SERBP1: variants seen among roughly 807,000 people sequenced by gnomAD.
SERBP1 encodes the protein SERPINE1 mRNA binding protein 1.
SERBP1 carries 6 observed loss-of-function variants against 50.2 expected under a neutral mutation model. The ratio of observed to expected loss-of-function variants is 0.12; its 90% CI spans 0.07 to 0.24. The LOEUF is 0.24. Ranked by LOEUF, SERBP1 falls within the 10% of genes least tolerant of loss-of-function variation. The pLI, the probability that SERBP1 is intolerant of heterozygous loss-of-function variation, is 1.00. For missense variants in SERBP1, 346 were observed against 524.9 expected (o/e 0.66, Z 3.33); for synonymous variants, 168 against 182.8 (o/e 0.92, Z 0.65).
rs1198158601 is a variant in SERBP1, at chr1:67,410,106, A to G, written c.*3101T>C. ...ACCATTGGACTGGAGGTCCACTAATATACCTGAATAATCTTACCTCTAAGG... is the reference window on the plus strand; with the variant it reads ...ACCATTGGACTGGAGGTCCACTAATGTACCTGAATAATCTTACCTCTAAGG... On this transcript the variant is annotated 3_prime_UTR_variant, in exon 8 of 8. Coordinates refer to ENST00000361219, the MANE Select transcript of SERBP1 (RefSeq NM_001018069.2). 1 of 152,212 alleles carries G rather than the reference A, an allele frequency of 6.6e-6. No individual in the cohort carries two copies. The highest frequency in any genetic ancestry group is 1.5e-5 in the Non-Finnish European group (1 of 68,028). The allele number at this position is 152,212 out of a possible 1,614,324, so 9.4% of individuals were successfully genotyped here.
intron 1 of SERBP1, among the ~76,000 whole-genome samples, chr1:67,427,455 C>G (rs1367503994): frequency 1.3e-5 from 2 of 152,168 alleles, no homozygotes; most frequent in Non-Finnish European, 2.9e-5. Flanking sequence ...TTGGTTCTTT[C>G]TAAGAAAGTA....
Position 67,409,656 on chromosome 1 carries a change from TTCAA to T in SERBP1, c.*3547_*3550del, listed in dbSNP as rs1666765140. ...GACTTCCTCAGCCTGAAAGATTTAT[TTCAA>T]TCACTTCACATAACCTCCAAATTTG... On this transcript the variant is annotated 3_prime_UTR_variant, in exon 8 of 8. Coordinates refer to ENST00000361219, the MANE Select transcript of SERBP1 (RefSeq NM_001018069.2). The T allele has an allele frequency of 6.6e-6, 1 of 152,158 alleles. No homozygotes were observed. The highest frequency in any genetic ancestry group is 1.5e-5 in the Non-Finnish European group (1 of 68,030). The allele number at this position is 152,158 out of a possible 1,614,324, so 9.4% of individuals were successfully genotyped here.
At chr1:67,422,410 T>G (rs1057367825) in intron 5 of SERBP1, among the ~76,000 whole-genome samples, 8 of 150,198 alleles carry the variant, frequency 5.3e-5, no homozygotes, top group African/African-American at 2.0e-4. Context: ...ACTCAGGAGC[T>G]GAGGCAGGAG....
intron 7 of SERBP1, among the ~76,000 whole-genome samples, chr1:67,413,747 C>A (rs1666917153): frequency 1.3e-5 from 2 of 152,100 alleles, no homozygotes; most frequent in Admixed American, 1.3e-4. Context: ...TTGCAATGAG[C>A]CCTGTCCTAA....
At chr1:67,425,008 TAGTTCTAGAAATTCAA>T in intron 3 of SERBP1, 31 bp from the exon 4 acceptor site, 1 of 1,605,096 alleles carries the variant, frequency 6.2e-7, no homozygotes, top group Non-Finnish European at 8.5e-7. Context: ...TAATACTCTT[TAGTTCTAGAAATTCAA>T]AGTTTGTTTA....
rs1449036413 is a variant in SERBP1, at chr1:67,408,809, T to G, written c.*4398A>C. On this transcript the variant is annotated 3_prime_UTR_variant, in exon 8 of 8. Coordinates refer to ENST00000361219, the MANE Select transcript of SERBP1 (RefSeq NM_001018069.2). ...TCAAAATATATTTTATGTTGCAGGC[T>G]ACCTATCTAAAAAATAATAAAACAT... is the stretch of plus-strand genomic sequence containing the variant. 6.6e-6 allele frequency: 1 copy of G among 152,184 alleles called. No homozygotes were observed. Among genetic ancestry groups the G allele is most frequent in the Non-Finnish European group, 1.5e-5 (1 of 68,024 alleles). The allele number at this position is 152,184 out of a possible 1,614,324, so 9.4% of individuals were successfully genotyped here. A position where few individuals can be genotyped will look rare whatever the true frequency, so the allele number is the denominator to read the frequency against.
chr1:67,424,065 T>A (rs143583149), intron 5 of SERBP1, 135 bp downstream of exon 5: 1 of 796,638 alleles, frequency 1.3e-6, no homozygotes, highest in Non-Finnish European at 1.9e-6. Context: ...CTTTGAGGGA[T>A]GAGGGTACAG....
rs773888889 is a variant in SERBP1, at chr1:67,425,221, G to C, written c.467C>G (p.Pro156Arg). 1 of 1,594,538 alleles carries C rather than the reference G, an allele frequency of 6.3e-7. No homozygotes were observed. Among genetic ancestry groups the C allele is most frequent in the Non-Finnish European group, 8.5e-7 (1 of 1,175,064 alleles). ...ACCTCGAATAGGTCGGTCAATAATC[G>C]GTCTATAATATAAACAAATAAATTA... ...GEGGEFSVDRPIIDRPIRGRG... is the reference protein window; with the variant it reads ...GEGGEFSVDRRIIDRPIRGRG... Residue 156 changes from proline (P) to arginine (R), a missense_variant and splice_region_variant, in exon 3 of 8, where the codon CCG becomes CGG. By Grantham distance (103) the Pro-to-Arg change is moderately radical. Transcript: ENST00000361219.
At chr1:67,428,654 A>C (rs1290773383) in intron 1 of SERBP1, among the ~76,000 whole-genome samples, 2 of 142,164 alleles carry the variant, frequency 1.4e-5, no homozygotes, top group Non-Finnish European at 1.6e-5. Flanking sequence ...TCAACCTATA[A>C]TTTTACCACA....
At chr1:67,419,942 A>G in intron 6 of SERBP1, 67 bp downstream of exon 6, 2 of 1,437,862 alleles carry the variant, frequency 1.4e-6, no homozygotes, top group South Asian at 2.4e-5. Context: ...AAATTTTAAA[A>G]CAAAAATTAT....
At chr1:67,420,628 G>A (rs1435781728) in intron 5 of SERBP1, 1 of 152,926 alleles carries the variant, frequency 6.5e-6, no homozygotes, top group African/African-American at 2.4e-5. Flanking sequence ...TAGGATGTCT[G>A]TCAGCAACCA....
In SERBP1 at chr1:67,411,823, T is replaced by C. The variant is rs545689927; in HGVS notation, c.*1384A>G. ...AAATTTTTTAAAAATTCCTTCACTG[T>C]TTATCAATAAATGTGGCAGAATAAA... is the stretch of plus-strand genomic sequence containing the variant. On this transcript the variant is annotated 3_prime_UTR_variant, in exon 8 of 8. Transcript: ENST00000361219. The C allele has an allele frequency of 6.6e-6, 1 of 152,342 alleles. No individual in the cohort carries two copies. Among genetic ancestry groups the C allele is most frequent in the Admixed American group, 6.5e-5 (1 of 15,298 alleles). 9.4% of individuals were successfully genotyped at this position (152,342 alleles called of 1,614,324 possible). A position where few individuals can be genotyped will look rare whatever the true frequency, so the allele number is the denominator to read the frequency against.
intron 5 of SERBP1, among the ~76,000 whole-genome samples, chr1:67,421,103 T>TA (rs1483678208): frequency 6.6e-6 from 1 of 151,794 alleles, no homozygotes; most frequent in Non-Finnish European, 1.5e-5. Context: ...AATGCTATCT[T>TA]AAAAGTTCCT....
At chr1:67,425,861 G>A (rs563150639) in intron 2 of SERBP1, among the ~76,000 whole-genome samples, 21 of 152,260 alleles carry the variant, frequency 1.4e-4, no homozygotes, top group African/African-American at 5.1e-4. Flanking sequence ...GACTTCTTTG[G>A]TTTACGCCTG....
intron 6 of SERBP1, 89 bp from the exon 7 acceptor site, chr1:67,415,428 C>G (rs984708482): frequency 7.7e-7 from 1 of 1,294,804 alleles, no homozygotes; most frequent in Non-Finnish European, 1.0e-6. Context: ...TAAAAAAAAC[C>G]AAAAATCCAA....
At chr1:67,425,035 TTAAA>T (rs1667323944) in intron 3 of SERBP1, 44 bp downstream of exon 3, 1 of 1,592,886 alleles carries the variant, frequency 6.3e-7, no homozygotes, top group Non-Finnish European at 8.6e-7. Context: ...AGTTTGTTTA[TTAAA>T]TAGATTAAAA....
intron 6 of SERBP1, among the ~76,000 whole-genome samples, chr1:67,417,541 T>C: frequency 6.6e-6 from 1 of 152,076 alleles, no homozygotes; most frequent in East Asian, 1.9e-4. Context: ...GAAACAGTCT[T>C]GCTCTGTCAA....
Position 67,413,072 on chromosome 1 carries a change from T to C in SERBP1, c.*135A>G. On this transcript the variant is annotated 3_prime_UTR_variant, in exon 8 of 8. Coordinates refer to ENST00000361219, the MANE Select transcript of SERBP1 (RefSeq NM_001018069.2). ...AGTTCATTTTTAAAACAGATAAAAT[T>C]CAGTCTTTAGGTGTGAATGGTATGA... The C allele has an allele frequency of 1.8e-6, 2 of 1,142,468 alleles. No individual in the cohort carries two copies. The highest frequency in any genetic ancestry group is 3.5e-5 in the South Asian group (2 of 57,174). The allele number at this position is 1,142,468 out of a possible 1,614,324, so 70.8% of individuals were successfully genotyped here. A position where few individuals can be genotyped will look rare whatever the true frequency, so the allele number is the denominator to read the frequency against.
rs903537342 is a variant in SERBP1 at position 67,413,106 on chromosome 1, C to CT, written c.*100dup. On this transcript the variant is annotated 3_prime_UTR_variant, in exon 8 of 8. Coordinates refer to ENST00000361219, the MANE Select transcript of SERBP1 (RefSeq NM_001018069.2). Reference sequence around the variant, plus strand: ...AGGTGTGAATGGTATGAATGACAGTCTTTTTTTTTTTAATTTCTTAGTCGT... The same window carrying CT: ...AGGTGTGAATGGTATGAATGACAGTCTTTTTTTTTTTTAATTTCTTAGTCGT... 12,331 of 1,051,338 alleles carry CT rather than the reference C, an allele frequency of 0.012. No homozygotes were observed. The highest frequency in any genetic ancestry group is 0.014 in the South Asian group (697 of 48,782). The allele number at this position is 1,051,338 out of a possible 1,614,324, so 65.1% of individuals were successfully genotyped here. A position where few individuals can be genotyped will look rare whatever the true frequency, so the allele number is the denominator to read the frequency against.
Sources: allele counts gnomAD v4.1 joint callset (sites outside exome capture counted in the v4.1 genomes callset), GRCh38; gene constraint gnomAD v4.1.1; transcripts MANE v1.5; gene names NCBI Gene and HGNC (gene_info 2026-07-23, HGNC 2026-07-21).